The following OR52N4 variants were observed in gnomAD, a reference collection of about 807,000 sequenced individuals.
OR52N4 encodes olfactory receptor family 52 subfamily N member 4.
Under a neutral mutation model 15.0 loss-of-function variants are expected in OR52N4, and 15 were observed. That is an observed-to-expected ratio of 1.00 (90% CI 0.67 to 1.54). The LOEUF (loss-of-function observed/expected upper bound fraction) is 1.54, where lower values mean the gene tolerates loss of function less well. Among genes scored for constraint, OR52N4 ranks in the 40% most tolerant of loss-of-function variants. OR52N4 has a pLI of 0.00. For missense variants in OR52N4, 421 were observed against 394.0 expected, an observed-to-expected ratio of 1.07 and a Z score of -0.58; for synonymous variants, 143 against 143.7, an observed-to-expected ratio of 1.00 and a Z score of 0.03.
At chr11:5,750,728 T>C (rs984688620), upstream of OR52N4, among the ~76,000 whole-genome samples, 1 of 151,980 alleles carries the variant, frequency 6.6e-6, no homozygotes, top group African/African-American at 2.4e-5. Flanking sequence ...AGTTTATAAA[T>C]TCTGTCTGAA....
the OR52N4 span, among the ~76,000 whole-genome samples, chr11:5,745,726 C>A: frequency 6.6e-6 from 1 of 151,984 alleles, no homozygotes; most frequent in Admixed American, 6.6e-5. Flanking sequence ...CAAAAAAGAG[C>A]CAAATAATCA....
chr11:5,745,434 A>C, the OR52N4 span, among the ~76,000 whole-genome samples: 1 of 152,160 alleles, frequency 6.6e-6, no homozygotes, highest in Non-Finnish European at 1.5e-5. Flanking sequence ...TCAAGAACTC[A>C]ATTTCATTAA....
upstream of OR52N4, among the ~76,000 whole-genome samples, chr11:5,750,467 C>T (rs12222371): frequency 0.56 from 84,211 of 151,698 alleles, 23,899 homozygotes; most frequent in Admixed American, 0.61. Context: ...AAAACAAGCA[C>T]TGAGCATCAC....
chr11:5,739,564 A>C, the OR52N4 span, among the ~76,000 whole-genome samples: 140 of 109,844 alleles, frequency 1.3e-3, 8 homozygotes, highest in African/African-American at 4.3e-3. Context: ...TCTGACTCAA[A>C]AAAAAAAAAA....
At chr11:5,735,353 T>C in the OR52N4 span, among the ~76,000 whole-genome samples, 5 of 152,018 alleles carry the variant, frequency 3.3e-5, no homozygotes, top group Admixed American at 1.3e-4. Context: ...AAATAAAGGA[T>C]TGTAATAGTA....
At chr11:5,726,623 A>G in the OR52N4 span, 2 of 152,370 alleles carry the variant, frequency 1.3e-5, no homozygotes, top group African/African-American at 4.8e-5. Flanking sequence ...CACAGCCACA[A>G]TTGTGGGCAA....
At chr11:5,734,075 C>T in the OR52N4 span, 1 of 442,244 alleles carries the variant, frequency 2.3e-6, no homozygotes, top group Non-Finnish European at 4.5e-6. Flanking sequence ...TTACTACTCT[C>T]CATAAATTTC....
At chr11:5,727,858 A>G in the OR52N4 span, among the ~76,000 whole-genome samples, 5 of 152,218 alleles carry the variant, frequency 3.3e-5, no homozygotes, top group Non-Finnish European at 5.9e-5. Flanking sequence ...AGCTGCAAGA[A>G]TCAGAAGATA....
At chr11:5,751,809 T>G (rs1854196028), upstream of OR52N4, among the ~76,000 whole-genome samples, 1 of 152,148 alleles carries the variant, frequency 6.6e-6, no homozygotes, top group African/African-American at 2.4e-5. Context: ...CATAATATCA[T>G]GAGGGAAATA....
At chr11:5,743,857 G>A in the OR52N4 span, among the ~76,000 whole-genome samples, 1 of 151,682 alleles carries the variant, frequency 6.6e-6, no homozygotes, top group African/African-American at 2.4e-5. Context: ...CCCAAAGCTA[G>A]GATAAGAAAA....
chr11:5,734,864 A>G, the OR52N4 span, among the ~76,000 whole-genome samples: 1 of 152,038 alleles, frequency 6.6e-6, no homozygotes, highest in African/African-American at 2.4e-5. Context: ...TTAGTCATTG[A>G]AATTTTCTGT....
rs1854305345 is a variant in OR52N4 at position 5,755,776 on chromosome 11, T to C, written c.*70T>C. Reference sequence around the variant, plus strand: ...TATTTGCCTCTTATGCAGGAGTTCATAAAATCTTTCTGGAAGCACTGTATT... The same window carrying C: ...TATTTGCCTCTTATGCAGGAGTTCACAAAATCTTTCTGGAAGCACTGTATT... On this transcript the variant is annotated 3_prime_UTR_variant, in exon 2 of 2. Coordinates refer to ENST00000641350, the MANE Select transcript of OR52N4 (RefSeq NM_001005175.5). 1 of 1,534,428 alleles carries C rather than the reference T, an allele frequency of 6.5e-7. No homozygotes were observed. Among genetic ancestry groups the C allele is most frequent in the Non-Finnish European group, 8.8e-7 (1 of 1,142,320 alleles).
the OR52N4 span, among the ~76,000 whole-genome samples, chr11:5,747,311 T>TAAATA: frequency 1.3e-5 from 2 of 151,418 alleles, no homozygotes; most frequent in Admixed American, 6.6e-5. Context: ...TCTAAAAAAA[T>TAAATA]AAATAAAATA....
the OR52N4 span, among the ~76,000 whole-genome samples, chr11:5,746,910 T>A: frequency 6.6e-6 from 1 of 151,984 alleles, no homozygotes; most frequent in South Asian, 2.1e-4. Context: ...TCAGACTAAA[T>A]GTACATCAAT....
chr11:5,737,307 T>C, the OR52N4 span: 1 of 1,614,126 alleles, frequency 6.2e-7, no homozygotes. Context: ...TACACTATTG[T>C]TGTAGTGATT....
upstream of OR52N4, among the ~76,000 whole-genome samples, chr11:5,750,687 T>C (rs1467731696): frequency 4.2e-5 from 2 of 47,816 alleles, no homozygotes; most frequent in African/African-American, 1.0e-4. Context: ...AAAAATATAA[T>C]AGTGACTACA....
chr11:5,736,665 C>A, the OR52N4 span: 2 of 1,614,026 alleles, frequency 1.2e-6, no homozygotes, highest in South Asian at 2.2e-5. Flanking sequence ...GCACTTGCTG[C>A]AAACACCCTC....
the OR52N4 span, among the ~76,000 whole-genome samples, chr11:5,735,121 C>T: frequency 6.6e-6 from 1 of 151,930 alleles, no homozygotes; most frequent in Non-Finnish European, 1.5e-5. Flanking sequence ...TTAAAAATAA[C>T]ATTTTAACCT....
chr11:5,751,042 A>G (rs1854179029), upstream of OR52N4, among the ~76,000 whole-genome samples: 1 of 151,688 alleles, frequency 6.6e-6, no homozygotes, highest in Non-Finnish European at 1.5e-5. Flanking sequence ...TCAAACTTGG[A>G]AAAAAAACAA....
Sources: gnomAD v4.1 joint callset for allele counts (sites outside exome capture counted in the v4.1 genomes callset) on GRCh38, gnomAD v4.1.1 for gene constraint, MANE v1.5 for transcripts, NCBI Gene and HGNC (gene_info 2026-07-23, HGNC 2026-07-21) for gene names.